The following IMPG2 variants were observed in gnomAD, a reference collection of about 807,000 sequenced individuals.
IMPG2 encodes IPM 200.
In IMPG2, 91 loss-of-function variants were observed where a neutral mutation model predicts 129.2. The ratio of observed to expected loss-of-function variants is 0.70; its 90% CI spans 0.59 to 0.84. The LOEUF (loss-of-function observed/expected upper bound fraction) is 0.84. Among genes scored for constraint, IMPG2 ranks in the 40% least tolerant of loss-of-function variants. The pLI, the probability that IMPG2 is intolerant of heterozygous loss-of-function variation, is 0.00. For synonymous variants in IMPG2, 510 were observed against 517.7 expected, an observed-to-expected ratio of 0.99 and a Z score of 0.20; for missense variants, 1,430 against 1,461.7, an observed-to-expected ratio of 0.98 and a Z score of 0.35.
At chr3:101,258,072 A>G (rs1281908772) in intron 9 of IMPG2, among the ~76,000 whole-genome samples, 1 of 152,046 alleles carries the variant, frequency 6.6e-6, no homozygotes, top group East Asian at 1.9e-4. Context: ...CCTCTTTCAA[A>G]GGCAAGTCCT....
chr3:101,264,862 C>A (rs1706706138), intron 9 of IMPG2, among the ~76,000 whole-genome samples: 1 of 151,402 alleles, frequency 6.6e-6, no homozygotes. Context: ...TTGCAGGATA[C>A]AAAATCAACT....
At position 101,225,785 on chromosome 3, in the gene IMPG2, C is replaced by G. The variant is rs1200422664; in HGVS notation, c.*1184G>C. On this transcript the variant is annotated 3_prime_UTR_variant, in exon 19 of 19. Coordinates refer to ENST00000193391, the MANE Select transcript of IMPG2 (RefSeq NM_016247.4). Reference sequence around the variant, plus strand: ...TGATGATTTGGCCTCCTCCTCTCCCCCTCCAAAGCAACCCATTCAAAAAAA... The same window carrying G: ...TGATGATTTGGCCTCCTCCTCTCCCGCTCCAAAGCAACCCATTCAAAAAAA... 1 of 152,022 alleles carries G rather than the reference C, an allele frequency of 6.6e-6. No homozygotes were observed. The highest frequency in any genetic ancestry group is 1.5e-5 in the Non-Finnish European group (1 of 68,032). 9.4% of individuals were successfully genotyped at this position (152,022 alleles called of 1,614,324 possible).
At chr3:101,238,911 A>T (rs181268949) in intron 14 of IMPG2, among the ~76,000 whole-genome samples, 11 of 152,356 alleles carry the variant, frequency 7.2e-5, no homozygotes, top group African/African-American at 2.6e-4. Flanking sequence ...CCCAATTAAA[A>T]GACACAGACT....
intron 18 of IMPG2, chr3:101,227,926 G>GC: frequency 2.3e-6 from 1 of 437,770 alleles, no homozygotes; most frequent in Non-Finnish European, 4.6e-6. Context: ...GGGTGTTATT[G>GC]TGACCCTTCA....
intron 14 of IMPG2, among the ~76,000 whole-genome samples, chr3:101,235,613 T>C (rs922694667): frequency 1.3e-5 from 2 of 152,140 alleles, no homozygotes; most frequent in African/African-American, 4.8e-5. Context: ...ATAATGTAAA[T>C]AAAAGGCTGT....
chr3:101,266,900 T>C (rs1345925668), intron 9 of IMPG2, among the ~76,000 whole-genome samples: 3 of 152,208 alleles, frequency 2.0e-5, no homozygotes, highest in African/African-American at 7.2e-5. Flanking sequence ...ATAAAGTCAC[T>C]TTCCTTTCAC....
At chr3:101,279,203 G>T (rs1706868556) in intron 4 of IMPG2, among the ~76,000 whole-genome samples, 1 of 152,186 alleles carries the variant, frequency 6.6e-6, no homozygotes, top group African/African-American at 2.4e-5. Flanking sequence ...CCCTCATCAT[G>T]TGTCATACAC....
At chr3:101,256,212 AGAAAG>A (rs1458791537) in intron 10 of IMPG2, among the ~76,000 whole-genome samples, 15 of 144,594 alleles carry the variant, frequency 1.0e-4, no homozygotes, top group African/African-American at 3.4e-4. Flanking sequence ...AAAGAAAGAA[AGAAAG>A]AAAAAAATAT....
chr3:101,294,335 A>G (rs1450177289), intron 3 of IMPG2, among the ~76,000 whole-genome samples: 1 of 151,850 alleles, frequency 6.6e-6, no homozygotes, highest in East Asian at 1.9e-4. Flanking sequence ...CAATGAGAAC[A>G]TGCAGTGTTT....
chr3:101,260,719 A>G (rs1576754990), intron 9 of IMPG2, among the ~76,000 whole-genome samples: 1 of 151,996 alleles, frequency 6.6e-6, no homozygotes, highest in Non-Finnish European at 1.5e-5. Flanking sequence ...GGCTATTTCT[A>G]TTTTACTTCA....
chr3:101,272,230 G>A (rs904947333), intron 7 of IMPG2, among the ~76,000 whole-genome samples: 16 of 152,082 alleles, frequency 1.1e-4, no homozygotes, highest in Admixed American at 5.9e-4. Flanking sequence ...AGAAGCTGAG[G>A]GAAAAATCCA....
chr3:101,272,437 C>T (rs1706795878), intron 7 of IMPG2, among the ~76,000 whole-genome samples: 1 of 152,172 alleles, frequency 6.6e-6, no homozygotes, highest in Non-Finnish European at 1.5e-5. Context: ...CTAATCACCT[C>T]AATAGCTACC....
chr3:101,228,026 A>T (rs755762362), intron 18 of IMPG2, among the ~76,000 whole-genome samples: 4 of 152,348 alleles, frequency 2.6e-5, no homozygotes, highest in Middle Eastern at 3.4e-3. Flanking sequence ...CTCCACGAAC[A>T]AACACTTCCA....
intron 14 of IMPG2, among the ~76,000 whole-genome samples, chr3:101,239,078 G>C (rs565924174): frequency 1.3e-5 from 2 of 152,186 alleles, no homozygotes; most frequent in South Asian, 4.1e-4. Flanking sequence ...AGCCAAAATC[G>C]ATAAATGGGA....
intron 2 of IMPG2, among the ~76,000 whole-genome samples, chr3:101,315,764 C>G (rs1576774935): frequency 6.6e-6 from 1 of 151,822 alleles, no homozygotes; most frequent in South Asian, 2.1e-4. Context: ...ATTTCAGCAG[C>G]CCTTTTGTAA....
chr3:101,264,508 T>G (rs189448642), intron 9 of IMPG2, among the ~76,000 whole-genome samples: 1 of 152,190 alleles, frequency 6.6e-6, no homozygotes, highest in African/African-American at 2.4e-5. Flanking sequence ...CATGCCTTCA[T>G]GATTAAAACC....
At chr3:101,296,468 G>A (rs1707081135) in intron 3 of IMPG2, among the ~76,000 whole-genome samples, 1 of 152,188 alleles carries the variant, frequency 6.6e-6, no homozygotes, top group African/African-American at 2.4e-5. Context: ...GGGTTTGCCA[G>A]TATTTTATTG....
At chr3:101,265,042 A>G (rs991805078) in intron 9 of IMPG2, among the ~76,000 whole-genome samples, 10 of 152,126 alleles carry the variant, frequency 6.6e-5, no homozygotes, top group African/African-American at 2.4e-4. Context: ...AAAGAAATTG[A>G]AAGGGATACA....
chr3:101,244,145 A>T lies in IMPG2; in HGVS notation c.2186T>A (p.Ile729Asn). The T allele has an allele frequency of 6.2e-7, 1 of 1,614,088 alleles. No homozygotes were observed. The change falls in exon 13 of 19, where the codon ATC becomes AAC. Residue 729 changes from isoleucine to asparagine, a missense_variant. Ile to Asn is a moderately radical substitution (Grantham distance 149, BLOSUM62 -3). Transcript: ENST00000193391. ...KAPLILTSVA[I>N]SASTDKSDQA... is the part of the protein sequence containing the mutation. Reference sequence around the variant, plus strand: ...ATCTGATTTATCAGTAGAGGCAGAGATTGCTACAGATGTCAGTATAAGAGG... The same window carrying T: ...ATCTGATTTATCAGTAGAGGCAGAGTTTGCTACAGATGTCAGTATAAGAGG...
Sources: allele counts gnomAD v4.1 joint callset (sites outside exome capture counted in the v4.1 genomes callset), GRCh38; gene constraint gnomAD v4.1.1; transcripts MANE v1.5; gene names NCBI Gene and HGNC (gene_info 2026-07-23, HGNC 2026-07-21).